NAV1: variants seen among roughly 807,000 people sequenced by gnomAD.
The protein encoded by NAV1 is neuron navigator 1.
Under a neutral mutation model 175.2 loss-of-function variants are expected in NAV1, and 18 were observed. The observed-to-expected ratio is 0.10, with a 90% CI of 0.07 to 0.15. The LOEUF is 0.15. Among genes scored for constraint, NAV1 ranks in the 10% least tolerant of loss-of-function variants. The pLI, the probability that NAV1 is intolerant of heterozygous loss-of-function variation, is 1.00. For missense variants in NAV1, 1,731 were observed against 2,436.6 expected, an observed-to-expected ratio of 0.71 and a Z score of 6.10; for synonymous variants, 897 against 978.7, an observed-to-expected ratio of 0.92 and a Z score of 1.56.
chr1:201,755,773 C>A (rs994726509), intron 3 of NAV1, among the ~76,000 whole-genome samples: 10 of 152,056 alleles, frequency 6.6e-5, no homozygotes, highest in African/African-American at 2.4e-4. Flanking sequence ...CTCCTTATGC[C>A]TGGCGTGGAG....
At chr1:201,784,816 G>T (rs1676605994) in intron 7 of NAV1, among the ~76,000 whole-genome samples, 1 of 152,046 alleles carries the variant, frequency 6.6e-6, no homozygotes, top group Admixed American at 6.6e-5. Context: ...GCCCAGGCTG[G>T]AGTGCAGTGG....
chr1:201,642,537 C>CTTTCTTTCTTTTTCTTTT (rs1668812558), intron 2 of NAV1, among the ~76,000 whole-genome samples: 1 of 105,622 alleles, frequency 9.5e-6, no homozygotes, highest in African/African-American at 4.2e-5. Flanking sequence ...TTCTTTCTTT[C>CTTTCTTTCTTTTTCTTTT]TTTCTTTCTT....
chr1:201,609,893 A>G (rs628458), intron 2 of NAV1, among the ~76,000 whole-genome samples: 8,512 of 152,240 alleles, frequency 0.056, 501 homozygotes, highest in African/African-American at 0.15. Context: ...ACCTGGATGG[A>G]ACAGGGATTG....
chr1:201,819,080 C>G (rs1012609622), intron 29 of NAV1, among the ~76,000 whole-genome samples: 2 of 152,174 alleles, frequency 1.3e-5, no homozygotes, highest in Non-Finnish European at 2.9e-5. Flanking sequence ...CATGAAGCAA[C>G]ACGGTTGGTA....
At chr1:201,804,578 CTAAAA>C in intron 17 of NAV1, 81 bp downstream of exon 21, 1 of 814,150 alleles carries the variant, frequency 1.2e-6, no homozygotes. Flanking sequence ...CTCCCTTCCC[CTAAAA>C]AAAAAAAAAA....
At chr1:201,577,210 T>G (rs1192724282) in intron 1 of NAV1, among the ~76,000 whole-genome samples, 3 of 152,214 alleles carry the variant, frequency 2.0e-5, no homozygotes, top group African/African-American at 7.2e-5. Context: ...TTGCTGGATA[T>G]GTGGTTGACA....
intron 1 of NAV1, among the ~76,000 whole-genome samples, chr1:201,562,463 C>G (rs1666229540): frequency 6.6e-6 from 1 of 152,100 alleles, no homozygotes; most frequent in Admixed American, 6.5e-5. Flanking sequence ...GATTCCAGGC[C>G]CCATGACTCA....
intron 1 of NAV1, among the ~76,000 whole-genome samples, chr1:201,577,819 T>G (rs1666737218): frequency 6.6e-6 from 1 of 152,220 alleles, no homozygotes; most frequent in African/African-American, 2.4e-5. Context: ...TGAAAAATAT[T>G]GTGCCACTTC....
chr1:201,563,590 A>G (rs1226959943), intron 1 of NAV1, among the ~76,000 whole-genome samples: 1 of 151,900 alleles, frequency 6.6e-6, no homozygotes, highest in Non-Finnish European at 1.5e-5. Context: ...GCCTGATATG[A>G]CCACCTGGGG....
rs957200455 is a variant in NAV1, at chr1:201,787,728, T to C, written c.2996-740T>C. 4.4e-6 allele frequency: 2 copies of C among 456,126 alleles called. No individual in the cohort carries two copies. The highest frequency in any genetic ancestry group is 8.8e-6 in the Non-Finnish European group (2 of 226,874). The allele number at this position is 456,126 out of a possible 1,614,324, so 28.3% of individuals were successfully genotyped here. A position where few individuals can be genotyped will look rare whatever the true frequency, so the allele number is the denominator to read the frequency against. Reference sequence around the variant, plus strand: ...TAGACAAGGGAGCTCCTTGTGGGTATGAAACCCTGAAAGGCTGTAATCCCA... The same window carrying C: ...TAGACAAGGGAGCTCCTTGTGGGTACGAAACCCTGAAAGGCTGTAATCCCA... On this transcript the variant is annotated intron_variant, in intron 9 of 29. Coordinates refer to ENST00000367296, the Ensembl canonical transcript of NAV1. The surrounding 1 kb of genome is among the most constrained non-coding windows in gnomAD (Gnocchi z 4.3).
intron 17 of NAV1, among the ~76,000 whole-genome samples, chr1:201,806,205 A>G (rs1336052836): frequency 6.6e-6 from 1 of 152,010 alleles, no homozygotes; most frequent in African/African-American, 2.4e-5. Flanking sequence ...GGCTAGTCTC[A>G]AACTCCTGAC....
At chr1:201,601,277 T>C (rs1044820899) in intron 2 of NAV1, among the ~76,000 whole-genome samples, 6 of 151,746 alleles carry the variant, frequency 4.0e-5, no homozygotes, top group Non-Finnish European at 7.4e-5. Context: ...AGTCCAGGAG[T>C]TCAAAACCAG....
At chr1:201,792,191 AG>A (rs1353257270) in intron 13 of NAV1, 1 of 151,820 alleles carries the variant, frequency 6.6e-6, no homozygotes, top group African/African-American at 2.4e-5. Flanking sequence ...ATTTTTGCCG[AG>A]GGTCAGAACC....
intron 1 of NAV1, among the ~76,000 whole-genome samples, chr1:201,653,722 G>T (rs2102341412): frequency 6.6e-6 from 1 of 152,260 alleles, no homozygotes; most frequent in East Asian, 1.9e-4. Context: ...AGGCCTAGCA[G>T]GAGAGTGAGG....
intron 1 of NAV1, among the ~76,000 whole-genome samples, chr1:201,664,851 C>T (rs1669752019): frequency 6.6e-6 from 1 of 152,158 alleles, no homozygotes; most frequent in South Asian, 2.1e-4. Context: ...CCATCTCCTC[C>T]CTTTTCCCCT....
intron 1 of NAV1, among the ~76,000 whole-genome samples, chr1:201,544,402 A>C (rs1665608155): frequency 6.6e-6 from 1 of 152,186 alleles, no homozygotes; most frequent in African/African-American, 2.4e-5. Flanking sequence ...TTGTAAATAG[A>C]GTAAATACCA....
At chr1:201,722,930 G>C (rs546193889) in intron 3 of NAV1, among the ~76,000 whole-genome samples, 2 of 152,178 alleles carry the variant, frequency 1.3e-5, no homozygotes, top group Non-Finnish European at 2.9e-5. Context: ...ACTGGTGTGG[G>C]GTGAAACCCC....
At chr1:201,543,963 C>T (rs1240714112) in intron 1 of NAV1, among the ~76,000 whole-genome samples, 1 of 152,194 alleles carries the variant, frequency 6.6e-6, no homozygotes, top group Non-Finnish European at 1.5e-5. Flanking sequence ...TTCCAGTTTC[C>T]CACCAACTCC....
chr1:201,690,925 C>G (rs1161598465), intron 1 of NAV1, among the ~76,000 whole-genome samples: 52 of 152,326 alleles, frequency 3.4e-4, no homozygotes, highest in Non-Finnish European at 2.9e-5. Flanking sequence ...TTTCTAGACC[C>G]TCTGTTAACC....
Sources: allele counts gnomAD v4.1 joint callset (sites outside exome capture counted in the v4.1 genomes callset), GRCh38; gene constraint gnomAD v4.1.1; non-coding constraint Gnocchi (gnomAD v3.1); transcripts MANE v1.5; gene names NCBI Gene and HGNC (gene_info 2026-07-23, HGNC 2026-07-21).